Variants in MEIS2 observed in about 807,000 individuals in gnomAD.
MEIS2 encodes the protein Meis homeobox 2, also known as homeobox protein Meis2.
MEIS2 carries 9 observed loss-of-function variants against 58.6 expected under a neutral mutation model. That is an observed-to-expected ratio of 0.15 (90% CI 0.09 to 0.27). The LOEUF (loss-of-function observed/expected upper bound fraction) is 0.27, where lower values mean the gene tolerates loss of function less well. MEIS2 is among the 10% of genes least tolerant of loss of function. The probability of loss-of-function intolerance (pLI) is 1.00; values close to 1 mark genes in which losing one functional copy is unlikely to be tolerated. For missense variants in MEIS2, 427 were observed against 635.0 expected, an observed-to-expected ratio of 0.67 and a Z score of 3.52; for synonymous variants, 221 against 228.4, an observed-to-expected ratio of 0.97 and a Z score of 0.29.
At chr15:36,975,484 T>TTC (rs397723609) in intron 8 of MEIS2, among the ~76,000 whole-genome samples, 2 of 151,134 alleles carry the variant, frequency 1.3e-5, no homozygotes, top group African/African-American at 2.4e-5. Context: ...TTTTTTTTTT[T>TTC]CAGAGTTCCA....
intron 11 of MEIS2, among the ~76,000 whole-genome samples, chr15:36,894,116 A>C (rs2141217834): frequency 6.6e-6 from 1 of 152,280 alleles, no homozygotes; most frequent in Admixed American, 6.5e-5. Context: ...AAATTTATTG[A>C]CTGACTTTCC....
rs142686185 is a variant in MEIS2 at position 37,041,682 on chromosome 15, G to C, written c.755-4723C>G. ...ATCCACTGAATCAAGGAAGGACGTC[G>C]GCACACTATGAGAGGATCCTCAGAT... On this transcript the variant is annotated intron_variant, in intron 7 of 11. Coordinates refer to ENST00000561208, the MANE Select transcript of MEIS2 (RefSeq NM_170675.5). Among the ~76,000 whole-genome samples, 95 of 152,106 alleles carry C rather than the reference G, an allele frequency of 6.2e-4. 1 individual carries two copies. The highest frequency in any genetic ancestry group is 2.1e-3 in the African/African-American group (86 of 41,486).
chr15:37,087,750 A>C (rs531819930), intron 6 of MEIS2, among the ~76,000 whole-genome samples: 1 of 152,034 alleles, frequency 6.6e-6, no homozygotes, highest in Admixed American at 6.5e-5. Flanking sequence ...AACATTTTAA[A>C]CCATTATGGC....
At chr15:37,023,911 C>CTTTTT (rs35244111) in intron 8 of MEIS2, among the ~76,000 whole-genome samples, 8 of 101,514 alleles carry the variant, frequency 7.9e-5, no homozygotes, top group Non-Finnish European at 9.6e-5. Context: ...TTTTCTCTCT[C>CTTTTT]TTTTTTTTTT....
chr15:37,077,798 A>C (rs1442534117), intron 7 of MEIS2, among the ~76,000 whole-genome samples: 1 of 151,996 alleles, frequency 6.6e-6, no homozygotes, highest in Non-Finnish European at 1.5e-5. Flanking sequence ...TTGGACATGT[A>C]ACACAGCAAC....
Position 36,971,779 on chromosome 15 carries a change from T to C in MEIS2, c.901-21379A>G, listed in dbSNP as rs2059581462. The stretch of plus-strand genomic sequence containing the variant: ...TAACAGCCTAAGCAACATGCATTAC[T>C]CTTAATACAAATACTCAGAGACTTT... On this transcript the variant is annotated intron_variant, in intron 8 of 11. Transcript: ENST00000561208. 2.0e-5 allele frequency among the ~76,000 whole-genome samples: 3 copies of C among 152,240 alleles called. No homozygotes were observed. The South Asian group carries it at 6.2e-4, about 32-fold the overall frequency.
At chr15:37,004,670 T>G (rs1304468120) in intron 8 of MEIS2, among the ~76,000 whole-genome samples, 1 of 152,176 alleles carries the variant, frequency 6.6e-6, no homozygotes, top group African/African-American at 2.4e-5. Flanking sequence ...ATAGTACCCA[T>G]GGAGATTCCA....
At chr15:36,898,866 G>C (rs2056323510) in intron 9 of MEIS2, 1 of 152,230 alleles carries the variant, frequency 6.6e-6, no homozygotes, top group Non-Finnish European at 1.5e-5. Context: ...AGCATTCTGT[G>C]AGCTAGCAGG....
chr15:36,922,619 C>CTTTTTTT (rs59227539), intron 9 of MEIS2, among the ~76,000 whole-genome samples: 9 of 126,890 alleles, frequency 7.1e-5, no homozygotes, highest in Non-Finnish European at 1.2e-4. Flanking sequence ...TTCTTTCTTT[C>CTTTTTTT]TTTTTTTTTT....
At chr15:36,899,362 C>T (rs1187486328) in intron 9 of MEIS2, among the ~76,000 whole-genome samples, 2 of 152,078 alleles carry the variant, frequency 1.3e-5, no homozygotes, top group East Asian at 1.9e-4. Flanking sequence ...AATGAAATTA[C>T]CGCCTCCTAC....
rs1026423226 is a variant in MEIS2, at chr15:37,098,734, C to A, written c.13-535G>T. 2.6e-5 allele frequency among the ~76,000 whole-genome samples: 4 copies of A among 152,024 alleles called. No individual in the cohort carries two copies. In the East Asian group the frequency reaches 7.8e-4, roughly 30 times the overall value. On this transcript the variant is annotated intron_variant, in intron 1 of 11. Coordinates refer to ENST00000561208, the MANE Select transcript of MEIS2 (RefSeq NM_170675.5). ...CCGGATCCCACCCCTAACCCCCCTT[C>A]GCCTCCTCTGAGGATCCAATAAATC...
chr15:37,006,627 A>C (rs573790934), intron 8 of MEIS2, among the ~76,000 whole-genome samples: 1 of 152,332 alleles, frequency 6.6e-6, no homozygotes, highest in African/African-American at 2.4e-5. Context: ...GGCTAGTGCC[A>C]ATGAAATTTT....
At chr15:36,944,507 C>CA (rs1275067207) in intron 9 of MEIS2, among the ~76,000 whole-genome samples, 1 of 152,072 alleles carries the variant, frequency 6.6e-6, no homozygotes, top group African/African-American at 2.4e-5. Flanking sequence ...GTTGGATTCA[C>CA]ACCCCTTGGC....
chr15:36,956,558 T>A (rs1343094258), intron 8 of MEIS2, among the ~76,000 whole-genome samples: 1 of 152,122 alleles, frequency 6.6e-6, no homozygotes, highest in African/African-American at 2.4e-5. Flanking sequence ...GGGAGTCAGT[T>A]ATGAAACTGT....
intron 8 of MEIS2, among the ~76,000 whole-genome samples, chr15:36,997,341 G>T (rs1425881091): frequency 2.0e-5 from 3 of 152,110 alleles, no homozygotes; most frequent in African/African-American, 7.2e-5. Context: ...AAACTGAACT[G>T]CTTTCCACCT....
chr15:36,909,465 C>T (rs1478452700), intron 9 of MEIS2, among the ~76,000 whole-genome samples: 1 of 152,036 alleles, frequency 6.6e-6, no homozygotes, highest in African/African-American at 2.4e-5. Context: ...AATAAAAGAG[C>T]CCTGAGTTTA....
chr15:36,953,495 C>G (rs2058836759), intron 8 of MEIS2, among the ~76,000 whole-genome samples: 1 of 152,158 alleles, frequency 6.6e-6, no homozygotes, highest in African/African-American at 2.4e-5. Context: ...GGGGGCCAAC[C>G]CACTCTAGTC....
intron 9 of MEIS2, among the ~76,000 whole-genome samples, chr15:36,927,307 G>A (rs953980430): frequency 1.3e-5 from 2 of 152,092 alleles, no homozygotes; most frequent in African/African-American, 4.8e-5. Flanking sequence ...AGAAATAAGT[G>A]GCCTGAGGAA....
At chr15:36,915,349 T>C (rs11634246) in intron 9 of MEIS2, among the ~76,000 whole-genome samples, 110,778 of 152,132 alleles carry the variant, frequency 0.73, 40,724 homozygotes, top group East Asian at 0.81. Context: ...TCAGCTGGGC[T>C]GTGTGCTAGG....
Sources: allele counts gnomAD v4.1 joint callset (sites outside exome capture counted in the v4.1 genomes callset), GRCh38; gene constraint gnomAD v4.1.1; transcripts MANE v1.5; gene names NCBI Gene and HGNC (gene_info 2026-07-23, HGNC 2026-07-21).